The following TENM3 variants were observed in gnomAD, a reference collection of about 807,000 sequenced individuals.
TENM3 encodes teneurin transmembrane protein 3.
A neutral mutation model predicts 255.1 loss-of-function variants in TENM3; 63 were observed. That is an observed-to-expected ratio of 0.25 (90% CI 0.20 to 0.30). TENM3 has a LOEUF of 0.30. TENM3 is among the 10% of genes least tolerant of loss of function. The pLI, the probability that TENM3 is intolerant of heterozygous loss-of-function variation, is 1.00. For synonymous variants in TENM3, 1,306 were observed against 1,322.3 expected (o/e 0.99, Z 0.27); for missense variants, 2,929 against 3,461.1 (o/e 0.85, Z 3.86).
the TENM3 span, among the ~76,000 whole-genome samples, chr4:181,695,122 T>C: frequency 5.3e-5 from 8 of 152,214 alleles, no homozygotes; most frequent in African/African-American, 1.7e-4. Context: ...ATTTTCAACA[T>C]CCTAAAAATG....
the TENM3 span, among the ~76,000 whole-genome samples, chr4:181,913,916 T>C: frequency 6.6e-6 from 1 of 152,202 alleles, no homozygotes; most frequent in African/African-American, 2.4e-5. Context: ...CTATTCACAC[T>C]TGAGCTTAGC....
chr4:181,783,099 T>C, the TENM3 span, among the ~76,000 whole-genome samples: 40 of 152,338 alleles, frequency 2.6e-4, 1 homozygote, highest in African/African-American at 9.6e-4. Flanking sequence ...TATATTCTGT[T>C]GATTTGGGGT....
At chr4:182,285,294 A>G (rs555545190) in intron 1 of TENM3, among the ~76,000 whole-genome samples, 68 of 152,032 alleles carry the variant, frequency 4.5e-4, no homozygotes, top group Non-Finnish European at 8.1e-4. Context: ...TGCTAGATAG[A>G]ATATGGTATA....
At chr4:181,511,059 A>T in the TENM3 span, among the ~76,000 whole-genome samples, 1 of 152,212 alleles carries the variant, frequency 6.6e-6, no homozygotes, top group Admixed American at 6.5e-5. Context: ...TAGTTAAAAT[A>T]TCAGAAGAAT....
the TENM3 span, among the ~76,000 whole-genome samples, chr4:181,621,049 A>T: frequency 6.6e-6 from 1 of 152,170 alleles, no homozygotes; most frequent in African/African-American, 2.4e-5. Flanking sequence ...TTTTCTCATT[A>T]TGTGCAAGCA....
At chr4:182,232,737 G>A (rs1004927702) in intron 1 of TENM3, among the ~76,000 whole-genome samples, 3 of 152,060 alleles carry the variant, frequency 2.0e-5, no homozygotes, top group African/African-American at 7.2e-5. Context: ...CTTCTCTGGG[G>A]GTATGTGTTC....
the TENM3 span, among the ~76,000 whole-genome samples, chr4:182,137,472 T>C: frequency 6.6e-6 from 1 of 152,220 alleles, no homozygotes; most frequent in Non-Finnish European, 1.5e-5. Flanking sequence ...TTTGATCTGC[T>C]AAGGATAATA....
At chr4:182,232,152 C>T (rs371684384) in intron 1 of TENM3, among the ~76,000 whole-genome samples, 36 of 152,214 alleles carry the variant, frequency 2.4e-4, no homozygotes, top group East Asian at 1.7e-3. Context: ...ATGTCTATTC[C>T]GGGAACTGGC....
At chr4:182,032,993 G>T in the TENM3 span, among the ~76,000 whole-genome samples, 2 of 143,942 alleles carry the variant, frequency 1.4e-5, no homozygotes, top group East Asian at 2.2e-4. Flanking sequence ...CAAAAAAAAA[G>T]TCCAGGATTT....
chr4:181,627,491 C>T, the TENM3 span, among the ~76,000 whole-genome samples: 2 of 152,224 alleles, frequency 1.3e-5, no homozygotes, highest in South Asian at 4.1e-4. Context: ...CCCCCTACCC[C>T]CACCCCATGA....
At chr4:182,158,876 G>A (rs1171440049) in intron 1 of TENM3, among the ~76,000 whole-genome samples, 1 of 152,184 alleles carries the variant, frequency 6.6e-6, no homozygotes, top group Non-Finnish European at 1.5e-5. Flanking sequence ...AGAGTCTAAT[G>A]TTAAATGTGA....
At chr4:182,076,404 A>G in the TENM3 span, among the ~76,000 whole-genome samples, 5 of 151,858 alleles carry the variant, frequency 3.3e-5, no homozygotes, top group African/African-American at 1.2e-4. Flanking sequence ...GGGTTTCACC[A>G]TGTTGGCCAG....
chr4:181,650,321 A>G, the TENM3 span, among the ~76,000 whole-genome samples: 1 of 152,206 alleles, frequency 6.6e-6, no homozygotes, highest in African/African-American at 2.4e-5. Flanking sequence ...AAATTAAAGG[A>G]CAGAGCATAA....
chr4:182,096,993 G>GT, the TENM3 span, among the ~76,000 whole-genome samples: 10 of 152,262 alleles, frequency 6.6e-5, no homozygotes. Context: ...TGATAAAGCT[G>GT]TTTTTTTAAA....
intron 26 of TENM3, among the ~76,000 whole-genome samples, chr4:182,794,307 T>G (rs1579541132): frequency 6.6e-6 from 1 of 152,326 alleles, no homozygotes; most frequent in Admixed American, 6.5e-5. Context: ...AATGGCTAAC[T>G]TAGGGCACAA....
At chr4:182,301,248 C>T (rs1396384877) in intron 1 of TENM3, among the ~76,000 whole-genome samples, 3 of 152,216 alleles carry the variant, frequency 2.0e-5, no homozygotes, top group Non-Finnish European at 4.4e-5. Context: ...CATCACCCCT[C>T]TACGTGCCCC....
At chr4:181,841,013 A>G in the TENM3 span, among the ~76,000 whole-genome samples, 1 of 152,126 alleles carries the variant, frequency 6.6e-6, no homozygotes, top group Non-Finnish European at 1.5e-5. Context: ...GGAAATGTCA[A>G]TGCTTTGTAG....
intron 3 of TENM3, among the ~76,000 whole-genome samples, chr4:182,557,397 A>G (rs967253343): frequency 1.2e-4 from 18 of 152,128 alleles, no homozygotes; most frequent in Non-Finnish European, 2.4e-4. Flanking sequence ...AATTTCTACA[A>G]TTGTGCTTAT....
the TENM3 span, among the ~76,000 whole-genome samples, chr4:181,849,088 A>C: frequency 6.6e-6 from 1 of 152,324 alleles, no homozygotes; most frequent in African/African-American, 2.4e-5. Context: ...CCAAGCATTC[A>C]CATTTCAGCT....
Sources: allele counts gnomAD v4.1 joint callset (sites outside exome capture counted in the v4.1 genomes callset), GRCh38; gene constraint gnomAD v4.1.1; transcripts MANE v1.5; gene names NCBI Gene and HGNC (gene_info 2026-07-23, HGNC 2026-07-21).